Variants in BANP observed in about 807,000 individuals in gnomAD.
BANP encodes protein BANP.
A neutral mutation model predicts 68.1 loss-of-function variants in BANP; 11 were observed. The ratio of observed to expected loss-of-function variants is 0.16; its 90% CI spans 0.10 to 0.27. BANP has a LOEUF of 0.27. BANP is among the 10% of genes least tolerant of loss of function. BANP has a pLI of 1.00. For missense variants in BANP, 504 were observed against 722.7 expected (o/e 0.70, Z 3.47); for synonymous variants, 329 against 303.2 (o/e 1.09, Z -0.88).
intron 11 of BANP, among the ~76,000 whole-genome samples, chr16:88,062,919 G>T (rs554394150): frequency 6.6e-6 from 1 of 152,322 alleles, no homozygotes; most frequent in African/African-American, 2.4e-5. Context: ...ATCCCAGGGC[G>T]CTCATCTTGG....
intron 4 of BANP, among the ~76,000 whole-genome samples, chr16:87,998,087 G>C (rs1188119668): frequency 1.3e-5 from 2 of 152,170 alleles, no homozygotes; most frequent in Admixed American, 6.5e-5. Context: ...GGGTCGAGAG[G>C]CATTTCCCTC....
At chr16:87,968,108 AT>A (rs2060421094) in intron 1 of BANP, among the ~76,000 whole-genome samples, 1 of 151,816 alleles carries the variant, frequency 6.6e-6, no homozygotes, top group Non-Finnish European at 1.5e-5. Context: ...TCTGAAAGCA[AT>A]CTGTGACCCC....
chr16:88,052,062 C>G (rs1011741442), intron 11 of BANP, among the ~76,000 whole-genome samples: 27 of 152,190 alleles, frequency 1.8e-4, no homozygotes, highest in African/African-American at 6.3e-4. Context: ...TGGAGTTTCT[C>G]TCATTGGGCA....
At chr16:88,013,084 T>A (rs2073600236) in intron 6 of BANP, among the ~76,000 whole-genome samples, 1 of 152,234 alleles carries the variant, frequency 6.6e-6, no homozygotes, top group African/African-American at 2.4e-5. Flanking sequence ...GGCAGCTTTC[T>A]AGGAAGAGAC....
Position 87,981,129 on chromosome 16 carries a change from TA to T in BANP, c.162+7del. On this transcript the variant is annotated splice_donor_region_variant and intron_variant, in intron 3 of 13. Transcript: ENST00000682872. ...AATTGCCAGGATCCATCTATAAAGGTAAAAATCTGACTCTGTTCTGTGGTGT... is the reference window on the plus strand; with the variant it reads ...AATTGCCAGGATCCATCTATAAAGGTAAAATCTGACTCTGTTCTGTGGTGT... 2 of 1,612,226 alleles carry T rather than the reference TA, an allele frequency of 1.2e-6. No individual in the cohort carries two copies. Among genetic ancestry groups the T allele is most frequent in the Non-Finnish European group, 1.7e-6 (2 of 1,178,364 alleles).
chr16:88,002,919 G>A lies in BANP; in HGVS notation c.363-1376G>A, dbSNP rs759690822. Among the ~76,000 whole-genome samples the A allele has an allele frequency of 2.0e-5, 3 of 152,132 alleles. No homozygotes were observed. The highest frequency in any genetic ancestry group is 4.4e-5 in the Non-Finnish European group (3 of 68,026). The stretch of plus-strand genomic sequence containing the variant: ...GAATAAATGCATGTGTGGACATGCT[G>A]TGAGCCTAGGATCCCGGGGACACCA... On this transcript the variant is annotated intron_variant, in intron 4 of 13. Coordinates refer to ENST00000682872, the MANE Select transcript of BANP (RefSeq NM_001386991.1). The surrounding 1 kb of genome is among the most constrained non-coding windows in gnomAD (Gnocchi z 4.6).
intron 10 of BANP, chr16:88,037,759 G>A: frequency 1.7e-6 from 1 of 596,862 alleles, no homozygotes; most frequent in South Asian, 2.0e-5. Flanking sequence ...TGCTTTTTGA[G>A]TTGTTTGTTC....
chr16:87,952,251 T>A (rs1025077927), intron 1 of BANP: 1 of 152,312 alleles, frequency 6.6e-6, no homozygotes, highest in Non-Finnish European at 1.5e-5. Flanking sequence ...GATAGAGGAC[T>A]GATGTTTTTC....
At chr16:87,991,840 TTCC>T (rs1337735180) in intron 4 of BANP, among the ~76,000 whole-genome samples, 2 of 152,252 alleles carry the variant, frequency 1.3e-5, no homozygotes, top group Non-Finnish European at 2.9e-5. Context: ...ATTTTGCTTC[TTCC>T]TATAGAATTT....
intron 8 of BANP, 137 bp downstream of exon 8, chr16:88,027,787 G>T: frequency 1.9e-6 from 2 of 1,055,094 alleles, no homozygotes; most frequent in South Asian, 3.1e-5. Context: ...TGCGCGGTGC[G>T]CACGGAGCAG....
intron 11 of BANP, among the ~76,000 whole-genome samples, chr16:88,042,244 G>A (rs575014191): frequency 3.3e-5 from 5 of 152,380 alleles, no homozygotes; most frequent in African/African-American, 9.6e-5. Flanking sequence ...GGAAAGATTG[G>A]CAGAGCACCA....
rs1567922172 is a variant in BANP at position 88,064,926 on chromosome 16, C to A, written c.1312-341C>A. On this transcript the variant is annotated intron_variant, in intron 11 of 13. Coordinates refer to ENST00000682872, the MANE Select transcript of BANP (RefSeq NM_001386991.1). This position sits in a 1 kb window ranked among gnomAD's most constrained non-coding sequence, Gnocchi z 4.5. ...TCATAGAGGACATTTCATTTTTTTTCTCCTCCAATTTTGTTTTGGCTTTTA... is the reference window on the plus strand; with the variant it reads ...TCATAGAGGACATTTCATTTTTTTTATCCTCCAATTTTGTTTTGGCTTTTA... 6.6e-6 allele frequency among the ~76,000 whole-genome samples: 1 copy of A among 152,140 alleles called. No individual in the cohort carries two copies. Among genetic ancestry groups the A allele is most frequent in the Non-Finnish European group, 1.5e-5 (1 of 67,982 alleles).
At chr16:88,044,164 C>G (rs2152796848) in intron 11 of BANP, among the ~76,000 whole-genome samples, 1 of 152,358 alleles carries the variant, frequency 6.6e-6, no homozygotes, top group East Asian at 1.9e-4. Flanking sequence ...AACTCGCATT[C>G]TGCGGCGATG....
chr16:87,971,861 CA>C (rs2061193026), intron 1 of BANP, among the ~76,000 whole-genome samples: 1 of 152,158 alleles, frequency 6.6e-6, no homozygotes, highest in South Asian at 2.1e-4. Flanking sequence ...GGTGCGATCA[CA>C]GCTTGCCACA....
chr16:87,975,536 G>A (rs1162000889), intron 2 of BANP, among the ~76,000 whole-genome samples: 1 of 150,082 alleles, frequency 6.7e-6, no homozygotes, highest in South Asian at 2.1e-4. Flanking sequence ...CCTGTGTGCG[G>A]CGTCATGGAA....
rs558924793 is a variant in BANP at position 87,957,593 on chromosome 16, G to A, written c.-69+6078G>A. Among the ~76,000 whole-genome samples the A allele has an allele frequency of 1.3e-4, 20 of 152,374 alleles. No individual in the cohort carries two copies. Among genetic ancestry groups the A allele is most frequent in the African/African-American group, 4.8e-4 (20 of 41,592 alleles). On this transcript the variant is annotated intron_variant, in intron 1 of 13. Coordinates refer to ENST00000682872, the MANE Select transcript of BANP (RefSeq NM_001386991.1). This position sits in a 1 kb window ranked among gnomAD's most constrained non-coding sequence, Gnocchi z 4.3. ...TACCTTCTGTGTCTGAGAGAAGGCC[G>A]TTGTGGCCTGTAGTGATTTTCCTTT...
rs2075185086 is a variant in BANP at position 88,018,817 on chromosome 16, C to T, written c.895+150C>T. Reference sequence around the variant, plus strand: ...AAATCTCAGCCCGAGGATCAGTGCTCGAGGGGATGGATGAGCTGTTGACCC... The same window carrying T: ...AAATCTCAGCCCGAGGATCAGTGCTTGAGGGGATGGATGAGCTGTTGACCC... On this transcript the variant is annotated intron_variant, in intron 7 of 13. Coordinates refer to ENST00000682872, the MANE Select transcript of BANP (RefSeq NM_001386991.1). The surrounding 1 kb of genome is among the most constrained non-coding windows in gnomAD (Gnocchi z 7.7). 6 of 1,089,082 alleles carry T rather than the reference C, an allele frequency of 5.5e-6. No individual in the cohort carries two copies. Among genetic ancestry groups the T allele is most frequent in the South Asian group, 4.9e-5 (3 of 60,906 alleles). 67.5% of individuals were successfully genotyped at this position (1,089,082 alleles called of 1,614,324 possible). A position where few individuals can be genotyped will look rare whatever the true frequency, so the allele number is the denominator to read the frequency against.
At chr16:87,963,090 A>G (rs1429084904) in intron 1 of BANP, among the ~76,000 whole-genome samples, 1 of 152,074 alleles carries the variant, frequency 6.6e-6, no homozygotes, top group Non-Finnish European at 1.5e-5. Context: ...TTCCTGTCCT[A>G]ATTTTTATGG....
intron 6 of BANP, among the ~76,000 whole-genome samples, chr16:88,017,755 A>T (rs6540152): frequency 1.3e-5 from 2 of 152,146 alleles, no homozygotes; most frequent in South Asian, 4.1e-4. Context: ...TGTCTCCTCC[A>T]TGTGGAGTGT....
Sources: allele counts gnomAD v4.1 joint callset (sites outside exome capture counted in the v4.1 genomes callset), GRCh38; gene constraint gnomAD v4.1.1; non-coding constraint Gnocchi (gnomAD v3.1); transcripts MANE v1.5; gene names NCBI Gene and HGNC (gene_info 2026-07-23, HGNC 2026-07-21).